MITF: variants seen among roughly 807,000 people sequenced by gnomAD.
MITF encodes the protein microphthalmia-associated transcription factor.
Under a neutral mutation model 60.5 loss-of-function variants are expected in MITF, and 17 were observed. The observed-to-expected ratio is 0.28, with a 90% CI of 0.19 to 0.42. The LOEUF (loss-of-function observed/expected upper bound fraction) is 0.42, where lower values mean the gene tolerates loss of function less well. Ranked by LOEUF, MITF falls within the 10% of genes least tolerant of loss-of-function variation. The pLI is 1.00. For missense variants in MITF, 622 were observed against 683.5 expected, an observed-to-expected ratio of 0.91 and a Z score of 1.00; for synonymous variants, 260 against 248.5, an observed-to-expected ratio of 1.05 and a Z score of -0.43.
At chr3:69,900,610 G>T (rs937483674) in intron 2 of MITF, among the ~76,000 whole-genome samples, 1 of 152,266 alleles carries the variant, frequency 6.6e-6, no homozygotes, top group Non-Finnish European at 1.5e-5. Flanking sequence ...GGGTAAAAAG[G>T]GGGAGGCAGA....
At chr3:69,914,308 G>C (rs978546404) in intron 2 of MITF, among the ~76,000 whole-genome samples, 4 of 152,120 alleles carry the variant, frequency 2.6e-5, no homozygotes, top group Non-Finnish European at 1.5e-5. Flanking sequence ...TTTTAGTAGA[G>C]ACAGGGTTTC....
intron 1 of MITF, among the ~76,000 whole-genome samples, chr3:69,821,319 G>T (rs1263016016): frequency 1.3e-5 from 2 of 152,108 alleles, no homozygotes; most frequent in African/African-American, 4.8e-5. Context: ...GACAATGCTG[G>T]AATTTTCTCA....
At chr3:69,866,273 C>T (rs1436554015) in intron 1 of MITF, 1 of 1,612,966 alleles carries the variant, frequency 6.2e-7, no homozygotes, top group South Asian at 1.1e-5. Context: ...GCTTGCAGAA[C>T]ACCTTAAAGG....
chr3:69,938,438 T>C, intron 3 of MITF: 1 of 1,512,080 alleles, frequency 6.6e-7, no homozygotes, highest in South Asian at 1.3e-5. Context: ...ACATGCTGTT[T>C]AGAAGTTCCG....
At chr3:69,856,114 T>C (rs1406629051) in intron 1 of MITF, among the ~76,000 whole-genome samples, 2 of 152,194 alleles carry the variant, frequency 1.3e-5, no homozygotes, top group Non-Finnish European at 2.9e-5. Context: ...TTGTAGCTAT[T>C]AGCCTCTCAC....
chr3:69,949,212 A>G (rs748832178), intron 6 of MITF, 44 bp downstream of exon 6: 11 of 1,420,128 alleles, frequency 7.7e-6, no homozygotes, highest in African/African-American at 4.2e-5. Flanking sequence ...ATTTCTGTCC[A>G]TTTCCTGATA....
chr3:69,924,001 G>T (rs77357337), intron 2 of MITF, among the ~76,000 whole-genome samples: 1 of 152,052 alleles, frequency 6.6e-6, no homozygotes, highest in African/African-American at 2.4e-5. Flanking sequence ...AGTTGATTAC[G>T]TGTTTTAGAT....
At chr3:69,848,314 T>C (rs2063766101) in intron 1 of MITF, among the ~76,000 whole-genome samples, 1 of 152,204 alleles carries the variant, frequency 6.6e-6, no homozygotes, top group Admixed American at 6.5e-5. Flanking sequence ...TGTTTTCTCA[T>C]GACTTTATTT....
intron 2 of MITF, chr3:69,936,945 TTC>T: frequency 1.6e-5 from 8 of 487,608 alleles, no homozygotes; most frequent in African/African-American, 6.1e-5. Context: ...ATTAGTAGGA[TTC>T]TTTTTTTTTT....
intron 2 of MITF, among the ~76,000 whole-genome samples, chr3:69,884,830 T>C (rs1575880908): frequency 6.6e-6 from 1 of 152,120 alleles, no homozygotes; most frequent in African/African-American, 2.4e-5. Context: ...GAAAGTCATC[T>C]TCGCTTAAAT....
At chr3:69,764,566 AG>A (rs1472483658) in intron 1 of MITF, among the ~76,000 whole-genome samples, 1 of 152,166 alleles carries the variant, frequency 6.6e-6, no homozygotes, top group African/African-American at 2.4e-5. Context: ...TGTAGCGCTT[AG>A]GATGCTTTTC....
At chr3:69,879,765 CT>C (rs1466263393) in intron 2 of MITF, among the ~76,000 whole-genome samples, 1 of 147,406 alleles carries the variant, frequency 6.8e-6, no homozygotes, top group Non-Finnish European at 1.5e-5. Context: ...CTTTACTTTT[CT>C]TTTTATTTAG....
At chr3:69,889,188 G>A (rs2064701732) in intron 2 of MITF, among the ~76,000 whole-genome samples, 1 of 151,716 alleles carries the variant, frequency 6.6e-6, no homozygotes, top group Non-Finnish European at 1.5e-5. Flanking sequence ...TAGTTTGAAT[G>A]CCAGATTCCC....
At chr3:69,789,368 C>G (rs949977516) in intron 1 of MITF, among the ~76,000 whole-genome samples, 3 of 152,018 alleles carry the variant, frequency 2.0e-5, no homozygotes, top group African/African-American at 7.2e-5. Context: ...ATACAGATGA[C>G]CAACAAGCAC....
intron 1 of MITF, among the ~76,000 whole-genome samples, chr3:69,810,431 G>A (rs546151583): frequency 6.6e-6 from 1 of 152,202 alleles, no homozygotes; most frequent in South Asian, 2.1e-4. Context: ...TTGCTGTCCA[G>A]TGTGAGCTTG....
At chr3:69,935,394 A>C (rs1214253657) in intron 2 of MITF, among the ~76,000 whole-genome samples, 1 of 152,174 alleles carries the variant, frequency 6.6e-6, no homozygotes, top group Non-Finnish European at 1.5e-5. Flanking sequence ...ATTAACATTT[A>C]TTTTTAAACA....
Position 69,852,047 on chromosome 3 carries a change from G to T in MITF, c.105-27087G>T, listed in dbSNP as rs543925769. ...AAACATATACAAACAATTTTAGGGT[G>T]ATTTTAAGATTATAATTATATTATG... On this transcript the variant is annotated intron_variant, in intron 1 of 9. Transcript: ENST00000352241. Among the ~76,000 whole-genome samples, 2 of 152,188 alleles carry T rather than the reference G, an allele frequency of 1.3e-5. 1 individual carries two copies. The highest frequency in any genetic ancestry group is 4.8e-5 in the African/African-American group (2 of 41,518).
At chr3:69,841,768 G>A (rs1322128029) in intron 1 of MITF, among the ~76,000 whole-genome samples, 2 of 152,160 alleles carry the variant, frequency 1.3e-5, no homozygotes, top group African/African-American at 2.4e-5. Flanking sequence ...AGAAGTGGCA[G>A]GTCAATTTTA....
intron 2 of MITF, among the ~76,000 whole-genome samples, chr3:69,909,595 G>T (rs150016868): frequency 4.1e-5 from 6 of 147,692 alleles, no homozygotes; most frequent in African/African-American, 1.3e-4. Context: ...GAACAATAAG[G>T]CCCAGGCTGA....
Sources: allele counts gnomAD v4.1 joint callset (sites outside exome capture counted in the v4.1 genomes callset), GRCh38; gene constraint gnomAD v4.1.1; transcripts MANE v1.5; gene names NCBI Gene and HGNC (gene_info 2026-07-23, HGNC 2026-07-21).